Variants in GNPDA1 observed in about 807,000 individuals in gnomAD.
GNPDA1 encodes GNPDA 1.
Under a neutral mutation model 28.5 loss-of-function variants are expected in GNPDA1, and 24 were observed. That is an observed-to-expected ratio of 0.84 (90% CI 0.61 to 1.19). The LOEUF (loss-of-function observed/expected upper bound fraction) is 1.19, where lower values mean the gene tolerates loss of function less well. Among genes scored for constraint, GNPDA1 ranks in the 50% most tolerant of loss-of-function variants. The probability of loss-of-function intolerance (pLI) is 0.00; values close to 1 mark genes in which losing one functional copy is unlikely to be tolerated. For missense variants in GNPDA1, 264 were observed against 367.3 expected (o/e 0.72, Z 2.30); for synonymous variants, 147 against 139.3 (o/e 1.06, Z -0.39).
chr5:142,000,949 T>C lies in GNPDA1; in HGVS notation c.*1080A>G, dbSNP rs967729355. 6.6e-6 allele frequency: 1 copy of C among 152,508 alleles called. No individual in the cohort carries two copies. The highest frequency in any genetic ancestry group is 1.5e-5 in the Non-Finnish European group (1 of 68,098). The allele number at this position is 152,508 out of a possible 1,614,324, so 9.4% of individuals were successfully genotyped here. ...AAGGAAGCCAGAGCAACAGACCACC[T>C]TGGGATCCGGGGAGAAGGGTAAATG... On this transcript the variant is annotated 3_prime_UTR_variant, in exon 7 of 7. Coordinates refer to ENST00000311337, the MANE Select transcript of GNPDA1 (RefSeq NM_005471.5).
At chr5:142,007,752 A>G in intron 3 of GNPDA1, 47 bp downstream of exon 3, 1 of 1,128,624 alleles carries the variant, frequency 8.9e-7, no homozygotes, top group Non-Finnish European at 1.4e-6. Context: ...GAGGAGGAGC[A>G]TCACTCTCCT....
In GNPDA1 at chr5:142,004,408, C is replaced by T. The variant is rs189313974; in HGVS notation, c.594+524G>A. On this transcript the variant is annotated intron_variant, in intron 5 of 6. Coordinates refer to ENST00000311337, the MANE Select transcript of GNPDA1 (RefSeq NM_005471.5). ...AATGAAAATAAGGAAATTGGAACCA[C>T]AAAAAATTCACATTCAAATGATAGC... Among the ~76,000 whole-genome samples, 604 of 152,292 alleles carry T rather than the reference C, an allele frequency of 4.0e-3. 4 individuals are homozygous for T. Among genetic ancestry groups the T allele is most frequent in the African/African-American group, 0.012 (490 of 41,580 alleles).
Position 142,007,871 on chromosome 5 carries a change from G to A in GNPDA1, c.154C>T (p.Leu52=), listed in dbSNP as rs185474748. ...GSTPLGCYKK[L]IEYYKNGDLS... is the part of the protein sequence containing the mutation. ...TCCCCATTCTTATAGTATTCAATCA[G>A]CTTCTTGTAGCAGCCAAGTGGGGTA... Residue 52 remains leucine, a synonymous_variant, in exon 3 of 7, where the codon CTG becomes TTG. Coordinates refer to ENST00000311337, the MANE Select transcript of GNPDA1 (RefSeq NM_005471.5). 147 of 1,612,130 alleles carry A rather than the reference G, an allele frequency of 9.1e-5. 1 individual carries two copies. In the East Asian group the frequency reaches 3.2e-3, roughly 35 times the overall value.
At chr5:142,010,511 CTTT>C (rs749705822) in intron 2 of GNPDA1, among the ~76,000 whole-genome samples, 1 of 46,830 alleles carries the variant, frequency 2.1e-5, no homozygotes, top group Non-Finnish European at 5.3e-5. Context: ...TCTTTTCTTT[CTTT>C]TTTTTTTTTT....
intron 2 of GNPDA1, 35 bp downstream of exon 2, chr5:142,011,877 C>T (rs201589587): frequency 3.1e-6 from 5 of 1,613,080 alleles, no homozygotes; most frequent in Non-Finnish European, 4.2e-6. Context: ...TCTCTCCACC[C>T]TTATCCACGG....
At chr5:142,007,732 G>T in intron 3 of GNPDA1, 67 bp downstream of exon 3, 1 of 920,522 alleles carries the variant, frequency 1.1e-6, no homozygotes, top group Non-Finnish European at 1.8e-6. Context: ...CTCCAGGACT[G>T]GGCCAATGAG....
At position 142,006,027 on chromosome 5, in the gene GNPDA1, C is replaced by CT. The variant is rs1596735547; in HGVS notation, c.409+116dup. On this transcript the variant is annotated intron_variant, in intron 4 of 6. Coordinates refer to ENST00000311337, the MANE Select transcript of GNPDA1 (RefSeq NM_005471.5). Reference sequence around the variant, plus strand: ...CAGGCAGGGCCCATTTCTCCCGCCTCTGTCTCTACGGTCACTAGCACACCC... The same window carrying CT: ...CAGGCAGGGCCCATTTCTCCCGCCTCTTGTCTCTACGGTCACTAGCACACCC... The CT allele has an allele frequency of 1.7e-5, 14 of 803,862 alleles. 1 individual carries two copies. In the Admixed American group the frequency reaches 1.8e-4, roughly 10 times the overall value. 49.8% of individuals were successfully genotyped at this position (803,862 alleles called of 1,614,324 possible).
Position 142,004,962 on chromosome 5 carries a change from C to T in GNPDA1, c.564G>A (p.Val188=). The T allele has an allele frequency of 6.2e-7, 1 of 1,609,338 alleles. No individual in the cohort carries two copies. The highest frequency in any genetic ancestry group is 8.5e-7 in the Non-Finnish European group (1 of 1,176,090). The change falls in exon 5 of 7, where the codon GTG becomes GTA. Residue 188 remains valine, a synonymous_variant. Transcript: ENST00000311337. ...LTKVPTMALT[V]GVGTVMDARE... ...TAGCATCCATGACAGTGCCCACCCC[C>T]ACCGTCAAGGCCATGGTGGGCACCT...
At chr5:142,009,276 C>G (rs1026427230) in intron 2 of GNPDA1, among the ~76,000 whole-genome samples, 1 of 152,054 alleles carries the variant, frequency 6.6e-6, no homozygotes, top group African/African-American at 2.4e-5. Context: ...AATAGCTTCT[C>G]ATTTCACCCT....
rs770426124 is a variant in GNPDA1 at position 142,003,145 on chromosome 5, C to G, written c.712G>C (p.Val238Leu). The G allele has an allele frequency of 6.2e-6, 10 of 1,614,040 alleles. No individual in the cohort carries two copies. The highest frequency in any genetic ancestry group is 8.5e-6 in the Non-Finnish European group (10 of 1,180,016). The change falls in exon 6 of 7, where the codon GTG (valine) becomes CTG (leucine). Residue 238 changes from valine to leucine, a missense_variant. Coordinates refer to ENST00000311337, the MANE Select transcript of GNPDA1 (RefSeq NM_005471.5). The surrounding 1 kb of genome is among the most constrained non-coding windows in gnomAD (Gnocchi z 4.0). ...TCCAAGGTGGCATCCTCGTCACACACAAACACGGTGCGGGGATGCTGCTGG... is the reference window on the plus strand; with the variant it reads ...TCCAAGGTGGCATCCTCGTCACACAGAAACACGGTGCGGGGATGCTGCTGG... ...AFQQHPRTVF[V>L]CDEDATLELK...
Position 142,007,803 on chromosome 5 carries a change from G to C in GNPDA1, c.222C>G (p.Tyr74Ter). ...CCTTGAAAGAGAAAGACTCACCCACGTACTCATCCATGTTGAAGGTCTTCA... is the reference window on the plus strand; with the variant it reads ...CCTTGAAAGAGAAAGACTCACCCACCTACTCATCCATGTTGAAGGTCTTCA... ...KYVKTFNMDE[Y>*]VGLPRDHPES... The change falls in exon 3 of 7, where the codon TAC becomes TAG. Residue 74 changes from tyrosine to a stop codon, truncating the protein, a stop_gained. Transcript: ENST00000311337. LOFTEE classifies it high-confidence loss of function. The C allele has an allele frequency of 6.4e-7, 1 of 1,559,528 alleles. No homozygotes were observed. Among genetic ancestry groups the C allele is most frequent in the Non-Finnish European group, 8.8e-7 (1 of 1,130,360 alleles).
intron 3 of GNPDA1, among the ~76,000 whole-genome samples, chr5:142,006,620 A>G (rs1286121830): frequency 6.6e-6 from 1 of 152,142 alleles, no homozygotes; most frequent in Non-Finnish European, 1.5e-5. Flanking sequence ...TCATAAGGCA[A>G]TGACCATAGG....
rs750533924 is a variant in GNPDA1, at chr5:142,000,957, C to T, written c.*1072G>A. On this transcript the variant is annotated 3_prime_UTR_variant, in exon 7 of 7. Coordinates refer to ENST00000311337, the MANE Select transcript of GNPDA1 (RefSeq NM_005471.5). ...CAGAGCAACAGACCACCTTGGGATC[C>T]GGGGAGAAGGGTAAATGGGCAAAAG... 37 of 152,438 alleles carry T rather than the reference C, an allele frequency of 2.4e-4. No homozygotes were observed. Among genetic ancestry groups the T allele is most frequent in the Non-Finnish European group, 2.6e-4 (18 of 68,086 alleles). 9.4% of individuals were successfully genotyped at this position (152,438 alleles called of 1,614,324 possible). A position where few individuals can be genotyped will look rare whatever the true frequency, so the allele number is the denominator to read the frequency against.
chr5:142,012,644 C>A (rs964334811), intron 1 of GNPDA1: 42 of 530,036 alleles, frequency 7.9e-5, no homozygotes, highest in Non-Finnish European at 9.9e-5. Flanking sequence ...TCTGGACTAG[C>A]GGAGGGGTCT....
chr5:142,003,426 G>A lies in GNPDA1; in HGVS notation c.595-164C>T, dbSNP rs1278248823. 6.6e-6 allele frequency among the ~76,000 whole-genome samples: 1 copy of A among 152,180 alleles called. No individual in the cohort carries two copies. Among genetic ancestry groups the A allele is most frequent in the Non-Finnish European group, 1.5e-5 (1 of 68,032 alleles). The stretch of plus-strand genomic sequence containing the variant: ...TCACACAAATAACCCGAGGCAGGCA[G>A]CATCATTATCTCCATCTTATAAGAA... On this transcript the variant is annotated intron_variant, in intron 5 of 6. Coordinates refer to ENST00000311337, the MANE Select transcript of GNPDA1 (RefSeq NM_005471.5). The surrounding 1 kb of genome is among the most constrained non-coding windows in gnomAD (Gnocchi z 4.0).
intron 2 of GNPDA1, 112 bp downstream of exon 2, chr5:142,011,800 A>C: frequency 8.1e-7 from 1 of 1,233,038 alleles, no homozygotes; most frequent in Non-Finnish European, 1.2e-6. Flanking sequence ...TCTCAGCACC[A>C]GTACCCCAGA....
intron 2 of GNPDA1, among the ~76,000 whole-genome samples, chr5:142,009,751 T>C (rs1319504101): frequency 1.3e-5 from 2 of 152,160 alleles, no homozygotes; most frequent in Admixed American, 6.5e-5. Context: ...GCCAATAAAC[T>C]CCTTTTCTGC....
chr5:142,004,558 C>A (rs1755752536), intron 5 of GNPDA1, among the ~76,000 whole-genome samples: 1 of 152,206 alleles, frequency 6.6e-6, no homozygotes, highest in South Asian at 2.1e-4. Context: ...CCAACAGTGA[C>A]CTCTACCAAC....
chr5:142,002,972 T>A, intron 6 of GNPDA1, 116 bp downstream of exon 6: 1 of 788,212 alleles, frequency 1.3e-6, no homozygotes, highest in African/African-American at 1.7e-5. Flanking sequence ...GGGTTTGATA[T>A]TTCTTAAGAT....
Sources: gnomAD v4.1 joint callset for allele counts (sites outside exome capture counted in the v4.1 genomes callset) on GRCh38, gnomAD v4.1.1 for gene constraint, Gnocchi (gnomAD v3.1) non-coding constraint, MANE v1.5 for transcripts, NCBI Gene and HGNC (gene_info 2026-07-23, HGNC 2026-07-21) for gene names.